Variants in IL1R1 observed in about 807,000 individuals in gnomAD.
IL1R1 encodes the protein interleukin 1 receptor type 1.
A neutral mutation model predicts 50.2 loss-of-function variants in IL1R1; 22 were observed. The observed-to-expected ratio is 0.44, with a 90% confidence interval of 0.31 to 0.63. IL1R1 has a LOEUF of 0.63. Among genes scored for constraint, IL1R1 ranks in the 20% least tolerant of loss-of-function variants. The pLI is 0.07. For missense variants in IL1R1, 509 were observed against 676.2 expected, an observed-to-expected ratio of 0.75 and a Z score of 2.74; for synonymous variants, 251 against 236.7, an observed-to-expected ratio of 1.06 and a Z score of -0.55.
At chr2:102,113,059 C>T (rs1680865834) in intron 1 of IL1R1, among the ~76,000 whole-genome samples, 1 of 152,232 alleles carries the variant, frequency 6.6e-6, no homozygotes, top group Non-Finnish European at 1.5e-5. Context: ...TTCCAGCCTC[C>T]AGAACTGTGA....
At chr2:102,103,889 G>T (rs1438350969), upstream of IL1R1, among the ~76,000 whole-genome samples, 1 of 150,984 alleles carries the variant, frequency 6.6e-6, no homozygotes, top group Non-Finnish European at 1.5e-5. Context: ...AGCTACTCGG[G>T]CTGAGGCACG....
Position 102,127,124 on chromosome 2 carries a change from C to T in IL1R1, c.-84+22252C>T, listed in dbSNP as rs1012451682. On this transcript the variant is annotated intron_variant, in intron 1 of 10. Transcript: ENST00000409329. ...TTGCCCAGTGTCATGTTCAGGCCCC[C>T]GGCTTTGTCAAAAGAGAGAAACACT... Among the ~76,000 whole-genome samples the T allele has an allele frequency of 3.9e-5, 6 of 152,170 alleles. No individual in the cohort carries two copies. In the South Asian group the frequency reaches 6.2e-4, roughly 16 times the overall value.
chr2:102,071,410 G>GA (rs1678713707), intron 1 of IL1R1, among the ~76,000 whole-genome samples: 1 of 152,112 alleles, frequency 6.6e-6, no homozygotes, highest in African/African-American at 2.4e-5. Flanking sequence ...ATACTTTCTT[G>GA]AAAAATCCAT....
intron 6 of IL1R1, among the ~76,000 whole-genome samples, chr2:102,167,373 A>G (rs531937305): frequency 1.3e-5 from 2 of 151,274 alleles, no homozygotes; most frequent in Admixed American, 6.6e-5. Context: ...CCTGAAACAT[A>G]GTAACCTAAC....
At position 102,175,485 on chromosome 2, in the gene IL1R1, T is replaced by C. The variant is rs1272265325; in HGVS notation, c.1143T>C (p.Asp381=). The C allele has an allele frequency of 1.2e-6, 2 of 1,612,806 alleles. No individual in the cohort carries two copies. The highest frequency in any genetic ancestry group is 1.7e-6 in the Non-Finnish European group (2 of 1,178,948). Residue 381 remains aspartate, a synonymous_variant, in exon 11 of 12, where the codon GAT becomes GAC. Transcript: ENST00000410023. ...CYDFLPIKAS[D]GKTYDAYILY... is the part of the protein sequence containing the mutation. ...ATTATGTTTTTCCTTTAGCTTCAGA[T>C]GGAAAGACCTATGACGCATATATAC... is the stretch of plus-strand genomic sequence containing the variant.
intron 1 of IL1R1, among the ~76,000 whole-genome samples, chr2:102,136,612 G>A (rs1038454177): frequency 3.3e-5 from 5 of 152,032 alleles, no homozygotes; most frequent in Non-Finnish European, 7.4e-5. Context: ...CCCTGACCTC[G>A]TGATCTACCC....
At chr2:102,092,926 A>G (rs988598350) in intron 1 of IL1R1, among the ~76,000 whole-genome samples, 4 of 152,208 alleles carry the variant, frequency 2.6e-5, no homozygotes, top group Admixed American at 1.3e-4. Context: ...TACTTAGAGA[A>G]GAAAACTCAG....
At chr2:102,112,311 C>CAT (rs1553626254) in intron 1 of IL1R1, among the ~76,000 whole-genome samples, 137 of 148,024 alleles carry the variant, frequency 9.3e-4, no homozygotes, top group Non-Finnish European at 1.8e-3. Context: ...TGGGGATTAA[C>CAT]GTGTGTGTGT....
At chr2:102,104,030 C>T (rs1680271074), upstream of IL1R1, among the ~76,000 whole-genome samples, 1 of 149,966 alleles carries the variant, frequency 6.7e-6, no homozygotes, top group Admixed American at 6.7e-5. Flanking sequence ...CTTGGCAGCA[C>T]CAGCTCTCCT....
upstream of IL1R1, among the ~76,000 whole-genome samples, chr2:102,102,632 A>G (rs1680190543): frequency 6.6e-6 from 1 of 152,126 alleles, no homozygotes. Flanking sequence ...CACAACTACC[A>G]TTTGACTCAG....
At position 102,175,662 on chromosome 2, in the gene IL1R1, A is replaced by G. The variant is rs373118698; in HGVS notation, c.1303+17A>G. 78 of 1,611,134 alleles carry G rather than the reference A, an allele frequency of 4.8e-5. No homozygotes were observed. Among genetic ancestry groups the G allele is most frequent in the Non-Finnish European group, 3.4e-6 (4 of 1,177,394 alleles). On this transcript the variant is annotated intron_variant, in intron 11 of 11. Coordinates refer to ENST00000410023, the MANE Select transcript of IL1R1 (RefSeq NM_000877.4). ...TTGGGGAAGGTATGTGTGTAATGGA[A>G]CAGAGTAAAGGCTTATTGTTGTAAA...
chr2:102,162,731 T>C (rs1348816451), intron 3 of IL1R1, among the ~76,000 whole-genome samples: 1 of 152,126 alleles, frequency 6.6e-6, no homozygotes, highest in East Asian at 1.9e-4. Flanking sequence ...TTTCCATATA[T>C]GTTACTTCTT....
upstream of IL1R1, chr2:102,142,370 G>C (rs1259350979): frequency 6.6e-6 from 1 of 152,182 alleles, no homozygotes; most frequent in Non-Finnish European, 1.5e-5. Context: ...GTTTGCTTCG[G>C]GATCTGATGC....
At chr2:102,073,056 A>C (rs1303196313) in intron 1 of IL1R1, among the ~76,000 whole-genome samples, 1 of 152,134 alleles carries the variant, frequency 6.6e-6, no homozygotes, top group African/African-American at 2.4e-5. Flanking sequence ...AAATGTTTTC[A>C]TTTAATCCAG....
chr2:102,168,728 T>G, intron 7 of IL1R1, 65 bp downstream of exon 7: 6 of 1,117,734 alleles, frequency 5.4e-6, no homozygotes, highest in African/African-American at 1.6e-5. Context: ...AAGAGTAAGA[T>G]AAATTGTATC....
At chr2:102,144,678 T>C (rs750960828) in intron 1 of IL1R1, among the ~76,000 whole-genome samples, 14 of 152,114 alleles carry the variant, frequency 9.2e-5, no homozygotes, top group Admixed American at 2.6e-4. Flanking sequence ...TGGTAAGACA[T>C]AGGATGTCAG....
At chr2:102,175,008 G>A (rs2104645135) in intron 10 of IL1R1, among the ~76,000 whole-genome samples, 1 of 152,082 alleles carries the variant, frequency 6.6e-6, no homozygotes. Context: ...CCATTGGTAG[G>A]CCTTGCTCTG....
intron 3 of IL1R1, among the ~76,000 whole-genome samples, chr2:102,163,550 A>G (rs1226094066): frequency 6.6e-6 from 1 of 152,102 alleles, no homozygotes; most frequent in Non-Finnish European, 1.5e-5. Context: ...TTTCATCTCT[A>G]AAAGTTTTTT....
At chr2:102,085,693 T>C (rs1679402128) in intron 1 of IL1R1, among the ~76,000 whole-genome samples, 1 of 152,056 alleles carries the variant, frequency 6.6e-6, no homozygotes, top group Non-Finnish European at 1.5e-5. Context: ...ATTATTTGCA[T>C]TTAATATTTT....
Sources: allele counts gnomAD v4.1 joint callset (sites outside exome capture counted in the v4.1 genomes callset), GRCh38; gene constraint gnomAD v4.1.1; transcripts MANE v1.5; gene names NCBI Gene and HGNC (gene_info 2026-07-23, HGNC 2026-07-21).